LMLN: variants seen among roughly 807,000 people sequenced by gnomAD.
LMLN encodes the protein leishmanolysin like peptidase.
In LMLN, 70 loss-of-function variants were observed where a neutral mutation model predicts 92.3. The ratio of observed to expected loss-of-function variants is 0.76; its 90% CI spans 0.63 to 0.92. The LOEUF is 0.92. Ranked by LOEUF, LMLN falls within the 40% of genes least tolerant of loss-of-function variation. The pLI is 0.00. For missense variants in LMLN, 691 were observed against 814.6 expected (o/e 0.85, Z 1.85); for synonymous variants, 308 against 296.2 (o/e 1.04, Z -0.41).
At chr3:197,965,827 A>C (rs1312862496) in intron 1 of LMLN, among the ~76,000 whole-genome samples, 1 of 152,124 alleles carries the variant, frequency 6.6e-6, no homozygotes, top group Non-Finnish European at 1.5e-5. Context: ...AGGTGGGGGA[A>C]TCACTTGAGC....
Position 197,996,156 on chromosome 3 carries a change from T to A in LMLN, c.1048-19T>A. On this transcript the variant is annotated intron_variant, in intron 9 of 15. Coordinates refer to ENST00000330198, the Ensembl canonical transcript of LMLN. ...ACTTTTGTACCATATTTGTTTCTGATTTTTTTTCTGGTTCTTAGGAGGAAG... is the reference window on the plus strand; with the variant it reads ...ACTTTTGTACCATATTTGTTTCTGAATTTTTTTCTGGTTCTTAGGAGGAAG... 1 of 1,450,292 alleles carries A rather than the reference T, an allele frequency of 6.9e-7. No individual in the cohort carries two copies. Among genetic ancestry groups the A allele is most frequent in the Non-Finnish European group, 9.3e-7 (1 of 1,070,264 alleles). 89.8% of individuals were successfully genotyped at this position (1,450,292 alleles called of 1,614,324 possible).
chr3:197,961,853 T>C (rs927336223), intron 1 of LMLN, among the ~76,000 whole-genome samples: 2 of 152,204 alleles, frequency 1.3e-5, no homozygotes, highest in Non-Finnish European at 1.5e-5. Context: ...TTTTACCTTT[T>C]ATTACGCCGG....
At chr3:197,964,870 G>A (rs1012880527) in intron 1 of LMLN, among the ~76,000 whole-genome samples, 1 of 151,960 alleles carries the variant, frequency 6.6e-6, no homozygotes, top group African/African-American at 2.4e-5. Flanking sequence ...AACCAGGTAT[G>A]GTGGCGGGCA....
intron 10 of LMLN, among the ~76,000 whole-genome samples, chr3:197,999,008 A>G (rs1223594309): frequency 5.3e-5 from 8 of 152,200 alleles, no homozygotes; most frequent in Non-Finnish European, 7.3e-5. Flanking sequence ...ATCTTCATTC[A>G]TCACAGAGTT....
exon 16 of LMLN, chr3:198,040,887 G>A (rs1723385291): frequency 8.5e-6 from 1 of 117,180 alleles, no homozygotes; most frequent in South Asian, 3.1e-4. Context: ...CACAACCCTC[G>A]GACAGACTCC....
At chr3:197,971,808 T>A (rs1303867898) in intron 1 of LMLN, among the ~76,000 whole-genome samples, 2 of 152,128 alleles carry the variant, frequency 1.3e-5, no homozygotes, top group African/African-American at 4.8e-5. Flanking sequence ...TAAGTTGATG[T>A]CTTTCACCAA....
chr3:197,992,260 C>T (rs1303836832), intron 9 of LMLN, among the ~76,000 whole-genome samples: 3 of 152,164 alleles, frequency 2.0e-5, no homozygotes, highest in Non-Finnish European at 2.9e-5. Context: ...AATAGTACCA[C>T]GGATCCTGAG....
intron 8 of LMLN, 43 bp downstream of exon 8, chr3:197,985,933 G>A (rs1581144972): frequency 8.5e-7 from 1 of 1,178,614 alleles, no homozygotes; most frequent in Non-Finnish European, 1.3e-6. Context: ...TTTTAGGAGG[G>A]TGCTAAGACT....
rs1415609714 is a variant in LMLN, at chr3:197,973,762, A to G, written c.220-615A>G. Among the ~76,000 whole-genome samples, 2 of 152,260 alleles carry G rather than the reference A, an allele frequency of 1.3e-5. 1 individual carries two copies. Among genetic ancestry groups the G allele is most frequent in the Admixed American group, 1.3e-4 (2 of 15,294 alleles). On this transcript the variant is annotated intron_variant, in intron 1 of 15. Coordinates refer to ENST00000330198, the Ensembl canonical transcript of LMLN. The stretch of plus-strand genomic sequence containing the variant: ...TCTGTTTTCTTGTATACATCTGCAG[A>G]AATAGTATAAAAATAAAAATGTGGT...
At chr3:198,018,779 A>G (rs560712497) in intron 11 of LMLN, among the ~76,000 whole-genome samples, 65 of 152,320 alleles carry the variant, frequency 4.3e-4, no homozygotes, top group African/African-American at 1.5e-3. Context: ...TGAAGCTGCT[A>G]TTGTGATATT....
At chr3:197,964,828 C>G (rs930525298) in intron 1 of LMLN, among the ~76,000 whole-genome samples, 11 of 151,838 alleles carry the variant, frequency 7.2e-5, no homozygotes, top group Middle Eastern at 3.4e-3. Flanking sequence ...GCCAACATGG[C>G]GAGACCTGTC....
intron 14 of LMLN, among the ~76,000 whole-genome samples, chr3:198,033,569 T>G (rs1298342355): frequency 6.6e-6 from 1 of 151,990 alleles, no homozygotes; most frequent in East Asian, 1.9e-4. Context: ...GCCTGGCTAA[T>G]TTTTGTATTT....
intron 13 of LMLN, among the ~76,000 whole-genome samples, chr3:198,021,919 C>T (rs1370284299): frequency 6.6e-6 from 1 of 152,322 alleles, no homozygotes; most frequent in Middle Eastern, 3.4e-3. Context: ...TACCTTCTAG[C>T]TGCACGGCAC....
At chr3:198,014,614 T>A (rs1722563557) in intron 11 of LMLN, among the ~76,000 whole-genome samples, 4 of 100,090 alleles carry the variant, frequency 4.0e-5, no homozygotes, top group South Asian at 3.6e-4. Flanking sequence ...CTCTCCACCC[T>A]TCAGAGCCCC....
intron 1 of LMLN, among the ~76,000 whole-genome samples, chr3:197,966,566 G>A (rs1279601096): frequency 6.6e-6 from 1 of 150,496 alleles, no homozygotes; most frequent in African/African-American, 2.4e-5. Flanking sequence ...TTTTAATCAT[G>A]GATGGATGTT....
intron 1 of LMLN, among the ~76,000 whole-genome samples, chr3:197,966,141 C>G (rs1310481413): frequency 2.0e-5 from 3 of 152,206 alleles, no homozygotes; most frequent in African/African-American, 4.8e-5. Flanking sequence ...CTCCTGGGTT[C>G]AAGCAATTCT....
chr3:197,965,897 A>T (rs1191722358), intron 1 of LMLN, among the ~76,000 whole-genome samples: 1 of 152,120 alleles, frequency 6.6e-6, no homozygotes, highest in Non-Finnish European at 1.5e-5. Flanking sequence ...CCTAATAAAG[A>T]CTGTATTAAT....
At chr3:197,965,174 C>T (rs1040414230) in intron 1 of LMLN, among the ~76,000 whole-genome samples, 1 of 152,088 alleles carries the variant, frequency 6.6e-6, no homozygotes, top group Non-Finnish European at 1.5e-5. Context: ...GCCACCACAC[C>T]TGGCACATTT....
rs534555995 is a variant in LMLN at position 198,038,896 on chromosome 3, A to G, written c.*229A>G. On this transcript the variant is annotated 3_prime_UTR_variant, in exon 16 of 16. Coordinates refer to ENST00000330198, the Ensembl canonical transcript of LMLN. Reference sequence around the variant, plus strand: ...CCCAACCACCTTCATCAGCAACCCAACCACCTCGTCAGCAACCCAACCACC... The same window carrying G: ...CCCAACCACCTTCATCAGCAACCCAGCCACCTCGTCAGCAACCCAACCACC... 2.1e-4 allele frequency: 55 copies of G among 265,412 alleles called. 1 individual carries two copies. Among genetic ancestry groups the G allele is most frequent in the East Asian group, 3.4e-4 (7 of 20,734 alleles). The allele number at this position is 265,412 out of a possible 1,614,324, so 16.4% of individuals were successfully genotyped here.
Sources: allele counts gnomAD v4.1 joint callset (sites outside exome capture counted in the v4.1 genomes callset), GRCh38; gene constraint gnomAD v4.1.1; transcripts MANE v1.5; gene names NCBI Gene and HGNC (gene_info 2026-07-23, HGNC 2026-07-21).